NRXN1: variants seen among roughly 807,000 people sequenced by gnomAD.
NRXN1 encodes neurexin 1, also known as neurexin-1.
NRXN1 carries 39 observed loss-of-function variants against 150.9 expected under a neutral mutation model. That is an observed-to-expected ratio of 0.26 (90% CI 0.20 to 0.34). The LOEUF is 0.34. Among genes scored for constraint, NRXN1 ranks in the 10% least tolerant of loss-of-function variants. The pLI is 1.00. For synonymous variants in NRXN1, 924 were observed against 757.0 expected, an observed-to-expected ratio of 1.22 and a Z score of -3.62; for missense variants, 1,815 against 1,949.9, an observed-to-expected ratio of 0.93 and a Z score of 1.30.
intron 17 of NRXN1, among the ~76,000 whole-genome samples, chr2:50,357,549 C>A (rs1051034687): frequency 4.6e-5 from 7 of 151,998 alleles, no homozygotes; most frequent in African/African-American, 1.7e-4. Context: ...CTCAGGTGAT[C>A]CACTCACCTC....
chr2:50,474,986 T>C lies in NRXN1; in HGVS notation c.3071-2515A>G, dbSNP rs562386439. ...TCAAAATAGAAACCAAGGTGAGTTA[T>C]AGAAAAATAGAAAAGTTACATTTCT... On this transcript the variant is annotated intron_variant, in intron 15 of 22. Transcript: ENST00000401669. 2.2e-3 allele frequency among the ~76,000 whole-genome samples: 329 copies of C among 152,110 alleles called. 2 individuals carry two copies. Among genetic ancestry groups the C allele is most frequent in the Non-Finnish European group, 2.2e-3 (148 of 67,966 alleles).
intron 21 of NRXN1, among the ~76,000 whole-genome samples, chr2:50,005,598 A>C (rs985005315): frequency 6.6e-6 from 1 of 152,130 alleles, no homozygotes; most frequent in African/African-American, 2.4e-5. Flanking sequence ...ACTTCTCATT[A>C]CTACTAAAAA....
intron 12 of NRXN1, among the ~76,000 whole-genome samples, chr2:50,521,042 T>C (rs1368667984): frequency 1.3e-5 from 2 of 152,140 alleles, no homozygotes; most frequent in African/African-American, 2.4e-5. Context: ...CATTTTAGAA[T>C]TCTTTAAGTT....
chr2:50,813,970 G>C (rs1011222685), intron 5 of NRXN1, among the ~76,000 whole-genome samples: 1 of 152,062 alleles, frequency 6.6e-6, no homozygotes, highest in African/African-American at 2.4e-5. Context: ...GGAGATCATA[G>C]CCAAGTTTCT....
intron 21 of NRXN1, among the ~76,000 whole-genome samples, chr2:49,986,712 C>G (rs186818636): frequency 6.6e-6 from 1 of 152,242 alleles, no homozygotes; most frequent in African/African-American, 2.4e-5. Flanking sequence ...CATAATCTCA[C>G]ACATTTATCA....
At chr2:50,647,113 T>C (rs1026730902) in intron 5 of NRXN1, among the ~76,000 whole-genome samples, 1 of 151,894 alleles carries the variant, frequency 6.6e-6, no homozygotes, top group Non-Finnish European at 1.5e-5. Context: ...AATTACCCGC[T>C]GAACAAACTG....
chr2:50,593,737 G>A (rs1674667695), intron 8 of NRXN1, among the ~76,000 whole-genome samples: 1 of 152,086 alleles, frequency 6.6e-6, no homozygotes, highest in South Asian at 2.1e-4. Flanking sequence ...ACGTTTTAAA[G>A]ATTAAACAAG....
chr2:50,795,684 C>T (rs953515615), intron 5 of NRXN1, among the ~76,000 whole-genome samples: 38 of 152,112 alleles, frequency 2.5e-4, no homozygotes, highest in African/African-American at 8.7e-4. Context: ...CCAGTTGATA[C>T]ACAATTCTCC....
chr2:50,422,076 A>G (rs2084042555), intron 17 of NRXN1, among the ~76,000 whole-genome samples: 1 of 152,154 alleles, frequency 6.6e-6, no homozygotes, highest in South Asian at 2.1e-4. Context: ...TTGTGCTAGG[A>G]TGTTTGACTT....
At chr2:50,231,243 G>C (rs1276713491) in intron 18 of NRXN1, among the ~76,000 whole-genome samples, 2 of 151,996 alleles carry the variant, frequency 1.3e-5, no homozygotes, top group Admixed American at 6.6e-5. Flanking sequence ...AAAACCCTGA[G>C]GGGAAATAAC....
intron 17 of NRXN1, among the ~76,000 whole-genome samples, chr2:50,243,182 A>C (rs1212645367): frequency 6.6e-6 from 1 of 151,626 alleles, no homozygotes; most frequent in Non-Finnish European, 1.5e-5. Context: ...ATGATCTAAC[A>C]ACAAAGAAAT....
chr2:49,926,135 G>C lies in NRXN1; in HGVS notation c.4217-3884C>G, dbSNP rs192299524. On this transcript the variant is annotated intron_variant, in intron 22 of 22. Coordinates refer to ENST00000401669, the MANE Select transcript of NRXN1 (RefSeq NM_001330078.2). ...GCATTTTTAACCTATAAATGATTTG[G>C]AAGCTAATGATTATTCTAGCAAGGA... Among the ~76,000 whole-genome samples the C allele has an allele frequency of 2.0e-5, 3 of 152,290 alleles. No homozygotes were observed. The East Asian group carries it at 5.8e-4, about 29-fold the overall frequency.
chr2:50,178,759 GTAT>G (rs1300441539), intron 18 of NRXN1, among the ~76,000 whole-genome samples: 1 of 152,192 alleles, frequency 6.6e-6, no homozygotes, highest in African/African-American at 2.4e-5. Flanking sequence ...ATACCATAAA[GTAT>G]TATTACAAGA....
intron 17 of NRXN1, among the ~76,000 whole-genome samples, chr2:50,442,576 A>G (rs1348116796): frequency 6.6e-6 from 1 of 152,152 alleles, no homozygotes; most frequent in African/African-American, 2.4e-5. Flanking sequence ...AGGTTGAGAT[A>G]CCTGTGAGAT....
At chr2:50,445,589 TTC>T (rs1268220160) in intron 17 of NRXN1, among the ~76,000 whole-genome samples, 1 of 152,188 alleles carries the variant, frequency 6.6e-6, no homozygotes, top group Non-Finnish European at 1.5e-5. Flanking sequence ...GAACAAGGAC[TTC>T]TTGTTTGCTT....
intron 12 of NRXN1, among the ~76,000 whole-genome samples, chr2:50,510,204 C>G (rs1409013600): frequency 6.6e-6 from 1 of 152,120 alleles, no homozygotes; most frequent in Non-Finnish European, 1.5e-5. Context: ...AAGTCTATAG[C>G]TGGCTGGGCA....
intron 12 of NRXN1, among the ~76,000 whole-genome samples, chr2:50,510,315 C>T (rs1219079412): frequency 2.0e-5 from 3 of 151,422 alleles, no homozygotes; most frequent in African/African-American, 7.3e-5. Context: ...GTGAAACCCT[C>T]TCTCTACTAA....
chr2:50,707,572 C>A (rs1467457078), intron 5 of NRXN1, among the ~76,000 whole-genome samples: 9 of 152,112 alleles, frequency 5.9e-5, no homozygotes, highest in African/African-American at 2.2e-4. Context: ...AAAACTTGAG[C>A]TCAAATTTAA....
intron 17 of NRXN1, among the ~76,000 whole-genome samples, chr2:50,447,525 G>T (rs2086535237): frequency 7.2e-6 from 1 of 138,794 alleles, no homozygotes; most frequent in Non-Finnish European, 1.5e-5. Flanking sequence ...TCCCAGAAAA[G>T]GTCGATCTGA....
Sources: gnomAD v4.1 joint callset for allele counts (sites outside exome capture counted in the v4.1 genomes callset) on GRCh38, gnomAD v4.1.1 for gene constraint, MANE v1.5 for transcripts, NCBI Gene and HGNC (gene_info 2026-07-23, HGNC 2026-07-21) for gene names.